Variants in DYDC2 observed in about 807,000 individuals in gnomAD.
DYDC2 encodes the protein DPY30 domain-containing protein 2.
In DYDC2, 19 loss-of-function variants were observed where a neutral mutation model predicts 18.7. The observed-to-expected ratio is 1.02, with a 90% CI of 0.71 to 1.49. The LOEUF is 1.49. Ranked by LOEUF, DYDC2 falls within the 40% of genes most tolerant of loss-of-function variation. DYDC2 has a pLI of 0.00. For synonymous variants in DYDC2, 63 were observed against 67.6 expected (o/e 0.93, Z 0.34); for missense variants, 179 against 205.1 (o/e 0.87, Z 0.78).
rs150104834 is a variant in DYDC2, at chr10:80,360,931, C to T, written c.-9-1504C>T. ...GGGACTGCAGGTGTGTGCCATCACACCTGGCTAATTTTTGTATTTTTTGTG... is the reference window on the plus strand; with the variant it reads ...GGGACTGCAGGTGTGTGCCATCACATCTGGCTAATTTTTGTATTTTTTGTG... On this transcript the variant is annotated intron_variant, in intron 2 of 4. Coordinates refer to ENST00000256039, the MANE Select transcript of DYDC2 (RefSeq NM_032372.6). Among the ~76,000 whole-genome samples the T allele has an allele frequency of 3.0e-3, 451 of 151,910 alleles. 3 individuals carry two copies. Among genetic ancestry groups the T allele is most frequent in the African/African-American group, 0.01 (430 of 41,444 alleles).
upstream of DYDC2, among the ~76,000 whole-genome samples, chr10:80,353,973 G>A (rs562480655): frequency 1.3e-5 from 2 of 152,146 alleles, no homozygotes; most frequent in African/African-American, 4.8e-5. Context: ...CAAATTAGCT[G>A]GGCGTGGTGG....
At chr10:80,349,617 G>C (rs892662089) in intron 1 of DYDC2, among the ~76,000 whole-genome samples, 1 of 152,146 alleles carries the variant, frequency 6.6e-6, no homozygotes, top group Admixed American at 6.5e-5. Flanking sequence ...TAGCTGAAAC[G>C]CAGAAACAGT....
At chr10:80,352,366 G>C, upstream of DYDC2, 1 of 1,366,412 alleles carries the variant, frequency 7.3e-7, no homozygotes, top group African/African-American at 1.5e-5. Context: ...TTTTATAACA[G>C]AAAAATAATA....
intron 1 of DYDC2, among the ~76,000 whole-genome samples, chr10:80,346,487 G>A (rs1165377745): frequency 1.1e-5 from 1 of 90,642 alleles, no homozygotes; most frequent in African/African-American, 6.3e-5. Context: ...TTGAGACGGA[G>A]TCTCACTCTG....
chr10:80,360,850 C>A (rs1270544381), intron 2 of DYDC2, among the ~76,000 whole-genome samples: 1 of 151,650 alleles, frequency 6.6e-6, no homozygotes, highest in African/African-American at 2.4e-5. Context: ...GCCACAACCT[C>A]CTGGGCTCAA....
intron 1 of DYDC2, among the ~76,000 whole-genome samples, chr10:80,346,618 G>A (rs1272221548): frequency 1.3e-5 from 2 of 150,884 alleles, no homozygotes; most frequent in African/African-American, 2.4e-5. Context: ...CCGCCACCAC[G>A]CCCGGCTAAT....
intron 1 of DYDC2, among the ~76,000 whole-genome samples, chr10:80,349,098 C>T (rs1365830507): frequency 6.6e-6 from 1 of 151,970 alleles, no homozygotes; most frequent in African/African-American, 2.4e-5. Flanking sequence ...TCACCGCGTT[C>T]GCCAGGATGG....
At chr10:80,354,756 C>T (rs1424428541), upstream of DYDC2, among the ~76,000 whole-genome samples, 1 of 152,126 alleles carries the variant, frequency 6.6e-6, no homozygotes. Context: ...TAGAAGACAG[C>T]CACCTGCACA....
At chr10:80,364,932 CA>C (rs1843781194) in intron 4 of DYDC2, among the ~76,000 whole-genome samples, 1 of 152,148 alleles carries the variant, frequency 6.6e-6, no homozygotes, top group Admixed American at 6.5e-5. Context: ...ACAGGTGTAT[CA>C]AAAAGACAAG....
At chr10:80,362,112 G>A (rs1231445286) in intron 2 of DYDC2, among the ~76,000 whole-genome samples, 13 of 152,168 alleles carry the variant, frequency 8.5e-5, no homozygotes, top group Admixed American at 8.5e-4. Context: ...TGAGAAGTAG[G>A]GGGACAAATT....
At chr10:80,366,544 T>A in intron 4 of DYDC2, 144 bp from the exon 5 acceptor site, 1 of 916,594 alleles carries the variant, frequency 1.1e-6, no homozygotes, top group East Asian at 2.5e-5. Flanking sequence ...CCTATAGGTT[T>A]GGTTTTATGC....
At chr10:80,362,308 G>A (rs1843687164) in intron 2 of DYDC2, 127 bp from the exon 3 acceptor site, 1 of 1,323,376 alleles carries the variant, frequency 7.6e-7, no homozygotes, top group African/African-American at 1.5e-5. Flanking sequence ...TGGTTCTTTT[G>A]GGAAAGGTGT....
intron 4 of DYDC2, among the ~76,000 whole-genome samples, chr10:80,364,382 T>G (rs1282030496): frequency 6.6e-6 from 1 of 152,154 alleles, no homozygotes; most frequent in Admixed American, 6.5e-5. Flanking sequence ...TCAGCAAAAT[T>G]TGTCATCACC....
At chr10:80,347,144 A>C (rs1397002404) in intron 1 of DYDC2, among the ~76,000 whole-genome samples, 5 of 151,380 alleles carry the variant, frequency 3.3e-5, no homozygotes, top group South Asian at 4.2e-4. Context: ...AGTGGTTTTG[A>C]TTTGCACTTC....
At chr10:80,358,335 G>A (rs1843514734) in intron 2 of DYDC2, among the ~76,000 whole-genome samples, 2 of 152,056 alleles carry the variant, frequency 1.3e-5, no homozygotes, top group South Asian at 4.1e-4. Flanking sequence ...ACGAGATTGT[G>A]CCACTGCACT....
intron 1 of DYDC2, among the ~76,000 whole-genome samples, chr10:80,347,004 C>T (rs1195347712): frequency 6.6e-6 from 1 of 151,814 alleles, no homozygotes; most frequent in African/African-American, 2.4e-5. Context: ...CGCTTGAACC[C>T]AGGGAGCAGA....
chr10:80,363,922 G>A (rs537476957), intron 4 of DYDC2, among the ~76,000 whole-genome samples: 2 of 152,294 alleles, frequency 1.3e-5, no homozygotes, highest in South Asian at 4.1e-4. Context: ...GCATTCGTCA[G>A]TCTGACAAGC....
At chr10:80,349,277 T>C (rs1448934620) in intron 1 of DYDC2, among the ~76,000 whole-genome samples, 1 of 152,244 alleles carries the variant, frequency 6.6e-6, no homozygotes, top group Non-Finnish European at 1.5e-5. Context: ...TTTTAAAAAC[T>C]TTTTTAAATT....
chr10:80,349,600 G>A (rs749517001), intron 1 of DYDC2, among the ~76,000 whole-genome samples: 16 of 152,174 alleles, frequency 1.1e-4, no homozygotes, highest in Non-Finnish European at 2.4e-4. Flanking sequence ...AAAAGTGATG[G>A]GGTAGGTAGC....
Sources: allele counts gnomAD v4.1 joint callset (sites outside exome capture counted in the v4.1 genomes callset), GRCh38; gene constraint gnomAD v4.1.1; transcripts MANE v1.5; gene names NCBI Gene and HGNC (gene_info 2026-07-23, HGNC 2026-07-21).